Variants in FBXO11 observed in about 807,000 individuals in gnomAD.
FBXO11 encodes the protein F-box only protein 11.
Under a neutral mutation model 117.0 loss-of-function variants are expected in FBXO11, and 13 were observed. That is an observed-to-expected ratio of 0.11 (90% confidence interval 0.07 to 0.18). FBXO11 has a LOEUF of 0.18. Ranked by LOEUF, FBXO11 falls within the 10% of genes least tolerant of loss-of-function variation. FBXO11 has a pLI of 1.00. For synonymous variants in FBXO11, 490 were observed against 380.5 expected (o/e 1.29, Z -3.35); for missense variants, 767 against 1,164.4 (o/e 0.66, Z 4.97).
chr2:47,813,764 AG>A (rs761666630), intron 17 of FBXO11, 26 bp downstream of exon 17: 1 of 1,094,452 alleles, frequency 9.1e-7, no homozygotes, highest in South Asian at 1.3e-5. Context: ...TTATTAACAC[AG>A]AAAAAAGATG....
chr2:47,877,549 T>C (rs941867358), intron 1 of FBXO11, among the ~76,000 whole-genome samples: 2 of 152,184 alleles, frequency 1.3e-5, no homozygotes, highest in South Asian at 2.1e-4. Context: ...TATTTTCGAA[T>C]TTTTGTTTGG....
At chr2:47,827,003 G>A (rs1208558923) in intron 11 of FBXO11, among the ~76,000 whole-genome samples, 1 of 152,224 alleles carries the variant, frequency 6.6e-6, no homozygotes, top group East Asian at 1.9e-4. Context: ...CTGGTCACAG[G>A]CATGCAGTCA....
chr2:47,845,366 CTCA>C (rs1225304856), intron 1 of FBXO11, among the ~76,000 whole-genome samples: 6 of 152,172 alleles, frequency 3.9e-5, no homozygotes, highest in Non-Finnish European at 8.8e-5. Context: ...TCCTGAAGTG[CTCA>C]TGAGTTATAA....
At chr2:47,899,221 C>T (rs899841550) in intron 1 of FBXO11, among the ~76,000 whole-genome samples, 1 of 150,000 alleles carries the variant, frequency 6.7e-6, no homozygotes, top group Admixed American at 6.7e-5. Context: ...TTGCGGTGAG[C>T]CGAAATCGCG....
chr2:47,877,307 C>T (rs907453433), intron 1 of FBXO11, among the ~76,000 whole-genome samples: 2 of 152,114 alleles, frequency 1.3e-5, no homozygotes, highest in African/African-American at 4.8e-5. Flanking sequence ...TAAACATACA[C>T]TTTAAAATTG....
At chr2:47,809,839 T>C in intron 19 of FBXO11, 132 bp from the exon 20 acceptor site, 1 of 586,790 alleles carries the variant, frequency 1.7e-6, no homozygotes, top group Non-Finnish European at 3.0e-6. Context: ...CTGAATAAAA[T>C]GTAGATACCT....
At chr2:47,858,482 G>C (rs1437631347) in intron 1 of FBXO11, among the ~76,000 whole-genome samples, 3 of 150,122 alleles carry the variant, frequency 2.0e-5, no homozygotes, top group Non-Finnish European at 3.0e-5. Context: ...ACGAGCTCAA[G>C]ACCAACCTGG....
At position 47,890,472 on chromosome 2, in the gene FBXO11, C is replaced by CTA. The variant is rs575479449; in HGVS notation, c.232+15016_232+15017insTA. Among the ~76,000 whole-genome samples, 175 of 152,212 alleles carry CTA rather than the reference C, an allele frequency of 1.1e-3. 3 individuals are homozygous for CTA. In the South Asian group the frequency reaches 0.017, roughly 15 times the overall value. ...AAAATGCCCTACATGGGGACTGTAT[C>CTA]ATCAATCAAGTAGTATGAGTTCACG... On this transcript the variant is annotated intron_variant, in intron 1 of 22. Transcript: ENST00000403359.
At chr2:47,818,679 G>C in intron 16 of FBXO11, 100 bp downstream of exon 16, 2 of 725,336 alleles carry the variant, frequency 2.8e-6, no homozygotes, top group Non-Finnish European at 2.3e-6. Context: ...ATACAATAGG[G>C]GGATAAAGAT....
At chr2:47,869,262 G>C (rs1675430676) in intron 1 of FBXO11, among the ~76,000 whole-genome samples, 1 of 152,154 alleles carries the variant, frequency 6.6e-6, no homozygotes, top group Non-Finnish European at 1.5e-5. Context: ...AAAAGTTTTA[G>C]TTCTAGGCTT....
At chr2:47,824,179 C>G (rs1671579974) in intron 11 of FBXO11, among the ~76,000 whole-genome samples, 1 of 152,176 alleles carries the variant, frequency 6.6e-6, no homozygotes, top group Non-Finnish European at 1.5e-5. Context: ...AATATAAACT[C>G]TGGCTGCCTT....
chr2:47,834,082 G>A (rs113730953), intron 7 of FBXO11, among the ~76,000 whole-genome samples: 11,057 of 152,296 alleles, frequency 0.073, 569 homozygotes, highest in Non-Finnish European at 0.11. Flanking sequence ...AGGCACAGTG[G>A]CTCATGTCTG....
chr2:47,844,352 C>T (rs550315210), intron 1 of FBXO11, among the ~76,000 whole-genome samples: 1 of 152,234 alleles, frequency 6.6e-6, no homozygotes, highest in South Asian at 2.1e-4. Context: ...AATCTCTATG[C>T]GTAATTAGGG....
intron 1 of FBXO11, among the ~76,000 whole-genome samples, chr2:47,892,618 G>A (rs1026066509): frequency 6.6e-6 from 1 of 152,204 alleles, no homozygotes; most frequent in Non-Finnish European, 1.5e-5. Flanking sequence ...ACTACTGCTT[G>A]CTATGTGGGA....
rs201573065 is a variant in FBXO11 at position 47,822,315 on chromosome 2, C to A, written c.1617-12G>T. 8 of 1,516,838 alleles carry A rather than the reference C, an allele frequency of 5.3e-6. No homozygotes were observed. Among genetic ancestry groups the A allele is most frequent in the Middle Eastern group, 1.7e-4 (1 of 5,770 alleles). The allele number at this position is 1,516,838 out of a possible 1,614,324, so 94.0% of individuals were successfully genotyped here. A position where few individuals can be genotyped will look rare whatever the true frequency, so the allele number is the denominator to read the frequency against. On this transcript the variant is annotated splice_polypyrimidine_tract_variant and intron_variant, in intron 12 of 22. Transcript: ENST00000403359. ...ATATAGAATTTCCCCTATAATTATGCGAAATAAAAAAAAAGAAGACATCTA... is the reference window on the plus strand; with the variant it reads ...ATATAGAATTTCCCCTATAATTATGAGAAATAAAAAAAAAGAAGACATCTA...
At chr2:47,839,848 C>A in intron 1 of FBXO11, 79 bp from the exon 2 acceptor site, 1 of 1,366,756 alleles carries the variant, frequency 7.3e-7, no homozygotes, top group Non-Finnish European at 9.9e-7. Flanking sequence ...TTTCTTAAAA[C>A]TTCAAATTCG....
chr2:47,880,626 G>C (rs998451428), intron 1 of FBXO11, among the ~76,000 whole-genome samples: 1 of 151,896 alleles, frequency 6.6e-6, no homozygotes, highest in Non-Finnish European at 1.5e-5. Context: ...TTGTATTTTT[G>C]GTTATTTCTG....
At chr2:47,885,776 T>C (rs1306362724) in intron 1 of FBXO11, among the ~76,000 whole-genome samples, 2 of 152,252 alleles carry the variant, frequency 1.3e-5, no homozygotes, top group Non-Finnish European at 2.9e-5. Flanking sequence ...GAAAGGAGTA[T>C]GACAACAAAG....
At chr2:47,884,110 T>C (rs1342215144) in intron 1 of FBXO11, among the ~76,000 whole-genome samples, 1 of 152,046 alleles carries the variant, frequency 6.6e-6, no homozygotes, top group African/African-American at 2.4e-5. Flanking sequence ...TCCCAGCTAC[T>C]TGGGAGGCTG....
Sources: allele counts gnomAD v4.1 joint callset (sites outside exome capture counted in the v4.1 genomes callset), GRCh38; gene constraint gnomAD v4.1.1; transcripts MANE v1.5; gene names NCBI Gene and HGNC (gene_info 2026-07-23, HGNC 2026-07-21).